The following AFAP1L2 variants were observed in gnomAD, a reference collection of about 807,000 sequenced individuals.
AFAP1L2 encodes the protein actin filament-associated protein 1-like 2.
A neutral mutation model predicts 99.3 loss-of-function variants in AFAP1L2; 46 were observed. The observed-to-expected ratio is 0.46, with a 90% CI of 0.37 to 0.59. The LOEUF is 0.59. AFAP1L2 is among the 20% of genes least tolerant of loss of function. AFAP1L2 has a pLI of 0.00. For synonymous variants in AFAP1L2, 397 were observed against 419.1 expected, an observed-to-expected ratio of 0.95 and a Z score of 0.64; for missense variants, 959 against 1,034.9, an observed-to-expected ratio of 0.93 and a Z score of 1.01.
At chr10:114,383,814 G>A (rs1247423289) in intron 1 of AFAP1L2, among the ~76,000 whole-genome samples, 3 of 152,220 alleles carry the variant, frequency 2.0e-5, no homozygotes, top group Admixed American at 1.3e-4. Context: ...TAACCAGGGA[G>A]GGAAATGGAA....
chr10:114,286,048 T>C, the AFAP1L2 span: 1 of 1,614,178 alleles, frequency 6.2e-7, no homozygotes, highest in East Asian at 2.2e-5. Context: ...TGAAGCGGTT[T>C]GTGCGGGCCG....
chr10:114,308,473 G>C lies in AFAP1L2; in HGVS notation c.927C>G (p.Ser309Arg). Reference sequence around the variant, plus strand: ...GGACCTCAGGGTGGCCATCCACGGAGCTCCCATACTCTGAAGCCGACAGGT... The same window carrying C: ...GGACCTCAGGGTGGCCATCCACGGACCTCCCATACTCTGAAGCCGACAGGT... The part of the protein sequence containing the change: ...EKYLSASEYG[S>R]SVDGHPEVPE... The change falls in exon 9 of 19, where the codon AGC becomes AGG. Residue 309 changes from serine to arginine, a missense_variant. Coordinates refer to ENST00000304129, the MANE Select transcript of AFAP1L2 (RefSeq NM_001001936.3). 6.2e-7 allele frequency: 1 copy of C among 1,614,158 alleles called. No individual in the cohort carries two copies. Among genetic ancestry groups the C allele is most frequent in the Non-Finnish European group, 8.5e-7 (1 of 1,180,030 alleles).
chr10:114,362,402 G>A (rs567517566), intron 1 of AFAP1L2, among the ~76,000 whole-genome samples: 9 of 152,284 alleles, frequency 5.9e-5, no homozygotes, highest in Admixed American at 2.0e-4. Context: ...TGCACCCAGC[G>A]ACTGGGGTCC....
intron 1 of AFAP1L2, among the ~76,000 whole-genome samples, chr10:114,371,666 G>C (rs541241): frequency 1.4e-4 from 21 of 152,024 alleles, no homozygotes; most frequent in African/African-American, 4.8e-4. Context: ...GTTGTGGGGT[G>C]GGGGGCTAGG....
chr10:114,319,135 C>T (rs1319272801), intron 5 of AFAP1L2, among the ~76,000 whole-genome samples: 1 of 152,172 alleles, frequency 6.6e-6, no homozygotes, highest in Non-Finnish European at 1.5e-5. Context: ...GCCTGGGTGA[C>T]AGAGCCAGAC....
At chr10:114,315,896 G>A in intron 5 of AFAP1L2, 131 bp from the exon 6 acceptor site, 8 of 902,548 alleles carry the variant, frequency 8.9e-6, no homozygotes, top group Non-Finnish European at 1.3e-5. Flanking sequence ...TGCCCTCAAA[G>A]CAGCCCCACA....
At chr10:114,341,278 G>A (rs553637787) in intron 1 of AFAP1L2, among the ~76,000 whole-genome samples, 8 of 152,130 alleles carry the variant, frequency 5.3e-5, no homozygotes, top group Admixed American at 3.9e-4. Flanking sequence ...TTGACTGCAC[G>A]GCTTTAAAGT....
At chr10:114,372,880 C>T (rs186088820) in intron 1 of AFAP1L2, among the ~76,000 whole-genome samples, 53 of 152,322 alleles carry the variant, frequency 3.5e-4, no homozygotes, top group Admixed American at 2.9e-3. Context: ...AGTAAGCTCA[C>T]ACTATTCTAG....
chr10:114,335,782 A>G (rs1212549156), intron 2 of AFAP1L2, among the ~76,000 whole-genome samples: 1 of 152,182 alleles, frequency 6.6e-6, no homozygotes, highest in Non-Finnish European at 1.5e-5. Flanking sequence ...CAGAATAGCA[A>G]AAAAAGAAAC....
At chr10:114,306,461 A>G (rs1468498) in intron 10 of AFAP1L2, among the ~76,000 whole-genome samples, 108,986 of 150,656 alleles carry the variant, frequency 0.72, 41,543 homozygotes, top group Non-Finnish European at 0.84. Flanking sequence ...AGAACCCATC[A>G]GACACCTTCC....
chr10:114,358,817 AG>A (rs764169507), intron 1 of AFAP1L2, among the ~76,000 whole-genome samples: 8 of 152,138 alleles, frequency 5.3e-5, no homozygotes, highest in Admixed American at 1.3e-4. Flanking sequence ...GGGGAAGCTG[AG>A]GCAGGAGAAT....
chr10:114,329,414 G>C (rs551995546), intron 4 of AFAP1L2, among the ~76,000 whole-genome samples: 1 of 152,306 alleles, frequency 6.6e-6, no homozygotes, highest in South Asian at 2.1e-4. Flanking sequence ...CACTCACACA[G>C]TACGCGGTGC....
At chr10:114,321,274 G>A (rs897521507) in intron 5 of AFAP1L2, among the ~76,000 whole-genome samples, 4 of 150,946 alleles carry the variant, frequency 2.6e-5, no homozygotes, top group Non-Finnish European at 5.9e-5. Context: ...ATCTTCCCCC[G>A]CTAGTCCCCA....
rs145198824 is a variant in AFAP1L2 at position 114,320,789 on chromosome 10, C to T, written c.406+2382G>A. On this transcript the variant is annotated intron_variant, in intron 5 of 18. Transcript: ENST00000304129. The stretch of plus-strand genomic sequence containing the variant: ...CCCCCTGGTGCGTCTGGCAGGCAGG[C>T]CCCTGCTGGCCCGGCCACACCTGGG... Among the ~76,000 whole-genome samples, 531 of 152,366 alleles carry T rather than the reference C, an allele frequency of 3.5e-3. 4 individuals are homozygous for T. The highest frequency in any genetic ancestry group is 0.012 in the African/African-American group (499 of 41,598).
intron 1 of AFAP1L2, among the ~76,000 whole-genome samples, chr10:114,366,496 A>G (rs1392058667): frequency 6.6e-6 from 1 of 152,248 alleles, no homozygotes; most frequent in African/African-American, 2.4e-5. Context: ...CTGAAGAAGG[A>G]GGAAGAAAAT....
chr10:114,341,652 C>G (rs1449006794), intron 1 of AFAP1L2, among the ~76,000 whole-genome samples: 2 of 151,786 alleles, frequency 1.3e-5, no homozygotes, highest in African/African-American at 4.8e-5. Flanking sequence ...AAAGGCCACA[C>G]CTGGTTCCTC....
At chr10:114,303,535 G>A (rs978986344) in intron 11 of AFAP1L2, among the ~76,000 whole-genome samples, 1 of 152,216 alleles carries the variant, frequency 6.6e-6, no homozygotes. Context: ...TCAAACTCCT[G>A]ACCTCGGGTG....
chr10:114,285,636 A>G, the AFAP1L2 span, among the ~76,000 whole-genome samples: 2 of 152,238 alleles, frequency 1.3e-5, no homozygotes, highest in East Asian at 3.8e-4. Flanking sequence ...ATATATTTTC[A>G]TGATCTTGAG....
chr10:114,387,312 G>A (rs1215465847), intron 1 of AFAP1L2, among the ~76,000 whole-genome samples: 1 of 152,082 alleles, frequency 6.6e-6, no homozygotes, highest in Non-Finnish European at 1.5e-5. Flanking sequence ...TATTACAGAT[G>A]GGGGAAACTG....
Sources: allele counts gnomAD v4.1 joint callset (sites outside exome capture counted in the v4.1 genomes callset), GRCh38; gene constraint gnomAD v4.1.1; transcripts MANE v1.5; gene names NCBI Gene and HGNC (gene_info 2026-07-23, HGNC 2026-07-21).